Variants in PHKG2 observed in about 807,000 individuals in gnomAD.
PHKG2 encodes the protein phosphorylase kinase catalytic subunit gamma 2.
In PHKG2, 28 loss-of-function variants were observed where a neutral mutation model predicts 44.5. The observed-to-expected ratio is 0.63, with a 90% confidence interval of 0.47 to 0.86. The LOEUF is 0.86. Among genes scored for constraint, PHKG2 ranks in the 40% least tolerant of loss-of-function variants. The probability of loss-of-function intolerance (pLI) is 0.00; values close to 1 mark genes in which losing one functional copy is unlikely to be tolerated. For missense variants in PHKG2, 498 were observed against 547.5 expected (o/e 0.91, Z 0.90); for synonymous variants, 220 against 211.2 (o/e 1.04, Z -0.36).
chr16:30,761,165 T>C lies in PHKG2; in HGVS notation c.*4068T>C. Reference sequence around the variant, plus strand: ...TTGGGGAGACAATAAAGAACGCAAATATTCAGTGTAATTTTTGTCTCTTCA... The same window carrying C: ...TTGGGGAGACAATAAAGAACGCAAACATTCAGTGTAATTTTTGTCTCTTCA... On this transcript the variant is annotated 3_prime_UTR_variant, in exon 10 of 10. Coordinates refer to ENST00000563588, the MANE Select transcript of PHKG2 (RefSeq NM_000294.3). 1 of 1,611,170 alleles carries C rather than the reference T, an allele frequency of 6.2e-7. No homozygotes were observed. Among genetic ancestry groups the C allele is most frequent in the Non-Finnish European group, 8.5e-7 (1 of 1,177,962 alleles).
In PHKG2 at chr16:30,758,684, T is replaced by C. The variant is rs1596698950; in HGVS notation, c.*1587T>C. On this transcript the variant is annotated 3_prime_UTR_variant, in exon 10 of 10. Transcript: ENST00000563588. Reference sequence around the variant, plus strand: ...AGTTCTCCTGCCTCAGCCTCCTGAGTAGCTGGGACTACAAGCGCGCACCAC... The same window carrying C: ...AGTTCTCCTGCCTCAGCCTCCTGAGCAGCTGGGACTACAAGCGCGCACCAC... The C allele has an allele frequency of 6.0e-6, 2 of 332,342 alleles. No individual in the cohort carries two copies. The highest frequency in any genetic ancestry group is 1.0e-3 in the Middle Eastern group (1 of 1,000). The allele number at this position is 332,342 out of a possible 1,614,324, so 20.6% of individuals were successfully genotyped here.
chr16:30,752,255 A>G (rs57668598), intron 4 of PHKG2, among the ~76,000 whole-genome samples: 3 of 3,670 alleles, frequency 8.2e-4, no homozygotes, highest in African/African-American at 1.9e-3. Flanking sequence ...AAAATTGGCC[A>G]GGCATGGTGG....
rs990213448 is a variant in PHKG2, at chr16:30,757,911, T to C, written c.*814T>C. The C allele has an allele frequency of 1.1e-5, 10 of 944,126 alleles. No homozygotes were observed. Among genetic ancestry groups the C allele is most frequent in the Non-Finnish European group, 1.4e-5 (10 of 698,490 alleles). The allele number at this position is 944,126 out of a possible 1,614,324, so 58.5% of individuals were successfully genotyped here. A position where few individuals can be genotyped will look rare whatever the true frequency, so the allele number is the denominator to read the frequency against. On this transcript the variant is annotated 3_prime_UTR_variant, in exon 10 of 10. Coordinates refer to ENST00000563588, the MANE Select transcript of PHKG2 (RefSeq NM_000294.3). ...GACCTTAGGCAGGTTATTTAACCTA[T>C]CTGTGCCTCAGTTTCCTTGTATGAA...
At chr16:30,749,093 GCTGCTGCTGCTGC>G (rs2053300943) in intron 2 of PHKG2, among the ~76,000 whole-genome samples, 178 bp downstream of exon 2, 5 of 50,632 alleles carry the variant, frequency 9.9e-5, no homozygotes, top group Admixed American at 9.7e-4. Flanking sequence ...TGGTGGTGCT[GCTGCTGCTGCTGC>G]TGCTGGTGGT....
Position 30,757,192 on chromosome 16 carries a change from C to T in PHKG2, c.*95C>T. On this transcript the variant is annotated 3_prime_UTR_variant, in exon 10 of 10. Coordinates refer to ENST00000563588, the MANE Select transcript of PHKG2 (RefSeq NM_000294.3). ...CTGGGCTCTGGCCTCTGGCCTCAGGCCCACTAATGATCCTGCTACCCTCTT... is the reference window on the plus strand; with the variant it reads ...CTGGGCTCTGGCCTCTGGCCTCAGGTCCACTAATGATCCTGCTACCCTCTT... The T allele has an allele frequency of 6.3e-7, 1 of 1,596,614 alleles. No homozygotes were observed. Among genetic ancestry groups the T allele is most frequent in the South Asian group, 1.1e-5 (1 of 90,068 alleles).
In PHKG2 at chr16:30,757,066, C is replaced by G. The variant is rs767394756; in HGVS notation, c.1190C>G (p.Thr397Ser). The G allele has an allele frequency of 1.9e-6, 3 of 1,613,250 alleles. No individual in the cohort carries two copies. Among genetic ancestry groups the G allele is most frequent in the East Asian group, 4.5e-5 (2 of 44,892 alleles). Reference sequence around the variant, plus strand: ...GAGGAGGGAGACTCTGCTGCTATAACTGAGGATGAGGCCGTGCTTGTGCTG... The same window carrying G: ...GAGGAGGGAGACTCTGCTGCTATAAGTGAGGATGAGGCCGTGCTTGTGCTG... ...PEEEGDSAAITEDEAVLVLG is the reference protein window; with the variant it reads ...PEEEGDSAAISEDEAVLVLG The change falls in exon 10 of 10, where the codon ACT becomes AGT. Residue 397 changes from threonine (T) to serine (S), a missense_variant. Transcript: ENST00000563588.
Position 30,760,377 on chromosome 16 carries a change from G to C in PHKG2, c.*3280G>C. 1 of 1,614,204 alleles carries C rather than the reference G, an allele frequency of 6.2e-7. No individual in the cohort carries two copies. The highest frequency in any genetic ancestry group is 8.5e-7 in the Non-Finnish European group (1 of 1,180,044). On this transcript the variant is annotated 3_prime_UTR_variant, in exon 10 of 10. Transcript: ENST00000563588. ...TGCTGGCGGCAGAAAATGAGCGCGT[G>C]GCAGAAGAGGTCCAGGGTGATGGCG...
At chr16:30,753,135 T>C (rs1231593775) in intron 4 of PHKG2, 97 bp from the exon 5 acceptor site, 8 of 945,238 alleles carry the variant, frequency 8.5e-6, no homozygotes, top group South Asian at 6.8e-5. Context: ...GATCTATCTT[T>C]AGTGGCCTCT....
At chr16:30,751,065 G>C in intron 2 of PHKG2, 41 bp from the exon 3 acceptor site, 1 of 1,603,966 alleles carries the variant, frequency 6.2e-7, no homozygotes, top group Non-Finnish European at 8.5e-7. Context: ...GGAAATGTGA[G>C]CACAGAGGCC....
chr16:30,751,643 C>T (rs769804214), intron 4 of PHKG2, 40 bp downstream of exon 4: 3 of 1,515,396 alleles, frequency 2.0e-6, no homozygotes, highest in African/African-American at 1.4e-5. Flanking sequence ...GCCTCCTCCC[C>T]ACCTCCATGT....
At position 30,760,587 on chromosome 16, in the gene PHKG2, C is replaced by T. The variant is rs953471947; in HGVS notation, c.*3490C>T. 24 of 1,562,362 alleles carry T rather than the reference C, an allele frequency of 1.5e-5. No individual in the cohort carries two copies. The highest frequency in any genetic ancestry group is 2.0e-5 in the Non-Finnish European group (23 of 1,152,778). On this transcript the variant is annotated 3_prime_UTR_variant, in exon 10 of 10. Coordinates refer to ENST00000563588, the MANE Select transcript of PHKG2 (RefSeq NM_000294.3). ...CAGCCTTTGCCAAGAGCTCTTCCCA[C>T]GCCCCCCTCAGTCCCTACTCCCTCA... is the stretch of plus-strand genomic sequence containing the variant.
chr16:30,752,974 C>A (rs1292931447), intron 4 of PHKG2: 3 of 544,708 alleles, frequency 5.5e-6, no homozygotes, highest in Non-Finnish European at 9.9e-6. Flanking sequence ...TCAACAAGAA[C>A]CTCCTATAAA....
chr16:30,754,979 G>C (rs1355504969), intron 6 of PHKG2: 2 of 446,300 alleles, frequency 4.5e-6, no homozygotes, highest in African/African-American at 4.0e-5. Flanking sequence ...TCCCAACAAA[G>C]TCAGTTTCAA....
In PHKG2 at chr16:30,757,422, G is replaced by A; in HGVS notation, c.*325G>A. On this transcript the variant is annotated 3_prime_UTR_variant, in exon 10 of 10. Transcript: ENST00000563588. ...GAAAGCCCAGAAGGTGCTCAGCAGG[G>A]TGCAGGGATGGTGCCATTCTGGCCC... The A allele has an allele frequency of 6.3e-7, 1 of 1,583,242 alleles. No individual in the cohort carries two copies. Among genetic ancestry groups the A allele is most frequent in the East Asian group, 2.2e-5 (1 of 44,612 alleles).
At position 30,761,168 on chromosome 16, in the gene PHKG2, T is replaced by C. The variant is rs1567273601; in HGVS notation, c.*4071T>C. 6 of 1,611,916 alleles carry C rather than the reference T, an allele frequency of 3.7e-6. No individual in the cohort carries two copies. In the East Asian group the frequency reaches 1.3e-4, roughly 36 times the overall value. ...GGGAGACAATAAAGAACGCAAATAT[T>C]CAGTGTAATTTTTGTCTCTTCACAC... On this transcript the variant is annotated 3_prime_UTR_variant, in exon 10 of 10. Coordinates refer to ENST00000563588, the MANE Select transcript of PHKG2 (RefSeq NM_000294.3).
chr16:30,756,619 G>A lies in PHKG2; in HGVS notation c.831G>A (p.Glu277=), dbSNP rs2053431836. 1.9e-6 allele frequency: 3 copies of A among 1,613,912 alleles called. No homozygotes were observed. Among genetic ancestry groups the A allele is most frequent in the African/African-American group, 1.3e-5 (1 of 74,928 alleles). ...CCAGGCTGCTGCAGGTGGATCCTGAGGCACGCCTGACAGCTGAGCAGGCCC... is the reference window on the plus strand; with the variant it reads ...CCAGGCTGCTGCAGGTGGATCCTGAAGCACGCCTGACAGCTGAGCAGGCCC... ...LISRLLQVDP[E]ARLTAEQALQ... is the part of the protein sequence containing the mutation. The change falls in exon 9 of 10, where the codon GAG becomes GAA. Residue 277 remains glutamate (E), a synonymous_variant. Transcript: ENST00000563588.
In PHKG2 at chr16:30,753,497, C is replaced by G. The variant is rs1196748987; in HGVS notation, c.496C>G (p.Gln166Glu). The G allele has an allele frequency of 6.2e-7, 1 of 1,614,012 alleles. No homozygotes were observed. Among genetic ancestry groups the G allele is most frequent in the Non-Finnish European group, 8.5e-7 (1 of 1,180,034 alleles). ...PENILLDDNM[Q>E]IRLSDFGFSC... is the part of the protein sequence containing the mutation. ...GAATATTCTCCTAGATGACAATATG[C>G]AGATCCGACTTTCAGATTTCGGGTT... is the stretch of plus-strand genomic sequence containing the variant. The change falls in exon 6 of 10, where the codon CAG becomes GAG. Residue 166 changes from glutamine (Q) to glutamate (E), a missense_variant. Coordinates refer to ENST00000563588, the MANE Select transcript of PHKG2 (RefSeq NM_000294.3).
In PHKG2 at chr16:30,751,129, G is replaced by A. The variant is rs756077227; in HGVS notation, c.119G>A (p.Arg40His). 2.1e-5 allele frequency: 34 copies of A among 1,613,820 alleles called. No individual in the cohort carries two copies. Among genetic ancestry groups the A allele is most frequent in the African/African-American group, 4.0e-5 (3 of 75,056 alleles). Residue 40 changes from arginine to histidine, a missense_variant, in exon 3 of 10, where the codon CGT becomes CAT. Physicochemically the swap from Arg to His is conservative, Grantham distance 29. Coordinates refer to ENST00000563588, the MANE Select transcript of PHKG2 (RefSeq NM_000294.3). ...IGRGVSSVVR[R>H]CVHRATGHEF... The stretch of plus-strand genomic sequence containing the variant: ...AGAGGAGTGAGCTCTGTGGTCCGCC[G>A]TTGTGTTCATCGAGCTACTGGCCAC...
intron 2 of PHKG2, 31 bp from the exon 3 acceptor site, chr16:30,751,075 C>G: frequency 6.2e-7 from 1 of 1,609,198 alleles, no homozygotes. Context: ...GCACAGAGGC[C>G]CTGACTTGTG....
Sources: allele counts gnomAD v4.1 joint callset (sites outside exome capture counted in the v4.1 genomes callset), GRCh38; gene constraint gnomAD v4.1.1; transcripts MANE v1.5; gene names NCBI Gene and HGNC (gene_info 2026-07-23, HGNC 2026-07-21).